PLEKHG1: variants seen among roughly 807,000 people sequenced by gnomAD.
PLEKHG1 encodes the protein pleckstrin homology domain-containing family G member 1.
Under a neutral mutation model 100.8 loss-of-function variants are expected in PLEKHG1, and 44 were observed. The ratio of observed to expected loss-of-function variants is 0.44; its 90% confidence interval spans 0.34 to 0.56. The LOEUF is 0.56. PLEKHG1 is among the 20% of genes least tolerant of loss of function. The pLI is 0.01. For missense variants in PLEKHG1, 1,545 were observed against 1,720.9 expected (o/e 0.90, Z 1.81); for synonymous variants, 640 against 662.5 (o/e 0.97, Z 0.52).
chr6:150,642,860 TG>T (rs1388841547), intron 2 of PLEKHG1, among the ~76,000 whole-genome samples: 2 of 152,238 alleles, frequency 1.3e-5, no homozygotes, highest in Non-Finnish European at 2.9e-5. Flanking sequence ...TCTTAGGCAG[TG>T]GTTCAGTATT....
At chr6:150,808,650 G>C (rs986529656) in intron 7 of PLEKHG1, among the ~76,000 whole-genome samples, 4 of 152,180 alleles carry the variant, frequency 2.6e-5, no homozygotes, top group Admixed American at 2.0e-4. Context: ...CTACTCAGGA[G>C]GCTGAGGCAG....
intron 3 of PLEKHG1, among the ~76,000 whole-genome samples, chr6:150,678,741 G>T (rs765985056): frequency 1.3e-5 from 2 of 152,148 alleles, no homozygotes; most frequent in Non-Finnish European, 2.9e-5. Context: ...AATAACAAAG[G>T]CTTTGCTAAA....
intron 3 of PLEKHG1, among the ~76,000 whole-genome samples, chr6:150,713,290 C>T (rs1781303984): frequency 6.6e-6 from 1 of 151,994 alleles, no homozygotes; most frequent in Non-Finnish European, 1.5e-5. Flanking sequence ...AAAAAAAATC[C>T]TGGAAAGTAG....
chr6:150,831,254 G>A lies in PLEKHG1; in HGVS notation c.2143G>A (p.Ala715Thr), dbSNP rs79596384. 9.1e-3 allele frequency: 14,621 copies of A among 1,614,046 alleles called. 464 individuals carry two copies. The East Asian group carries it at 0.13, about 15-fold the overall frequency. The change falls in exon 15 of 16, where the codon GCA (alanine) becomes ACA (threonine). Residue 715 changes from alanine to threonine, a missense_variant. By Grantham distance (58) the Ala-to-Thr change is moderately conservative. Transcript: ENST00000358517. The surrounding 1 kb of genome is among the most constrained non-coding windows in gnomAD (Gnocchi z 4.1). ...TGGCCACAGTAAGGGCTCTCTTTAC[G>A]CACAAACAGATGGCACCCTCTCAGG...
intron 1 of PLEKHG1, among the ~76,000 whole-genome samples, chr6:150,635,051 C>T (rs1284744695): frequency 6.6e-6 from 1 of 152,174 alleles, no homozygotes; most frequent in African/African-American, 2.4e-5. Flanking sequence ...TTCAATAGAG[C>T]TATCACCAGG....
At chr6:150,732,270 C>T (rs945158773) in intron 1 of PLEKHG1, among the ~76,000 whole-genome samples, 4 of 152,046 alleles carry the variant, frequency 2.6e-5, no homozygotes, top group Non-Finnish European at 4.4e-5. Flanking sequence ...TTCCTATATG[C>T]GTCATATAAT....
intron 2 of PLEKHG1, among the ~76,000 whole-genome samples, chr6:150,747,177 C>CT (rs1783208844): frequency 6.6e-6 from 1 of 152,198 alleles, no homozygotes; most frequent in African/African-American, 2.4e-5. Context: ...TTCAATTATA[C>CT]TGAGTGGGTA....
At chr6:150,635,597 A>T (rs368631192) in intron 1 of PLEKHG1, among the ~76,000 whole-genome samples, 1 of 152,188 alleles carries the variant, frequency 6.6e-6, no homozygotes, top group Non-Finnish European at 1.5e-5. Flanking sequence ...CATAAGTTCA[A>T]TTATATTAGT....
At chr6:150,671,567 A>G (rs1047057827) in intron 3 of PLEKHG1, among the ~76,000 whole-genome samples, 7 of 152,236 alleles carry the variant, frequency 4.6e-5, no homozygotes, top group African/African-American at 1.7e-4. Flanking sequence ...CGGGCACTGT[A>G]GTAAGTGCTG....
chr6:150,614,935 T>C (rs747197511), intron 1 of PLEKHG1, among the ~76,000 whole-genome samples: 7 of 152,240 alleles, frequency 4.6e-5, no homozygotes, highest in Non-Finnish European at 7.3e-5. Flanking sequence ...TATGCTATCC[T>C]GTAGGTCTGG....
At chr6:150,610,440 T>G (rs1172323120) in intron 1 of PLEKHG1, among the ~76,000 whole-genome samples, 1 of 152,244 alleles carries the variant, frequency 6.6e-6, no homozygotes, top group Non-Finnish European at 1.5e-5. Flanking sequence ...TGGTAACCAT[T>G]TCGTTGTCCA....
At chr6:150,760,445 G>C (rs924835099) in intron 2 of PLEKHG1, among the ~76,000 whole-genome samples, 3 of 152,152 alleles carry the variant, frequency 2.0e-5, no homozygotes, top group Non-Finnish European at 4.4e-5. Context: ...ATTCTCAAAG[G>C]AGTGGTTAAT....
chr6:150,682,451 C>G (rs1779968357), intron 3 of PLEKHG1, among the ~76,000 whole-genome samples: 1 of 151,952 alleles, frequency 6.6e-6, no homozygotes, highest in Non-Finnish European at 1.5e-5. Context: ...AGCCAGTCCA[C>G]CAGACATGGA....
intron 3 of PLEKHG1, among the ~76,000 whole-genome samples, chr6:150,698,722 G>A (rs375893902): frequency 1.3e-5 from 2 of 152,152 alleles, no homozygotes; most frequent in East Asian, 3.8e-4. Context: ...CAGGTTGTTT[G>A]TATGTCTGGG....
At position 150,840,990 on chromosome 6, in the gene PLEKHG1, C is replaced by G. The variant is rs187463111; in HGVS notation, c.*94C>G. 60 of 978,964 alleles carry G rather than the reference C, an allele frequency of 6.1e-5. No individual in the cohort carries two copies. In the Middle Eastern group the frequency reaches 1.2e-3, roughly 20 times the overall value. 60.6% of individuals were successfully genotyped at this position (978,964 alleles called of 1,614,324 possible). A position where few individuals can be genotyped will look rare whatever the true frequency, so the allele number is the denominator to read the frequency against. On this transcript the variant is annotated 3_prime_UTR_variant, in exon 16 of 16. Coordinates refer to ENST00000358517, the Ensembl canonical transcript of PLEKHG1. Reference sequence around the variant, plus strand: ...GTGTTTTATGTATACCAGATTAAAACAATTTTGTAAGAACCAGAGGTGTAA... The same window carrying G: ...GTGTTTTATGTATACCAGATTAAAAGAATTTTGTAAGAACCAGAGGTGTAA...
intron 3 of PLEKHG1, among the ~76,000 whole-genome samples, chr6:150,709,027 A>G (rs985504501): frequency 6.6e-6 from 1 of 152,182 alleles, no homozygotes; most frequent in African/African-American, 2.4e-5. Flanking sequence ...ATCTTTCACA[A>G]ATTCTGCCAC....
At chr6:150,828,398 A>G in intron 14 of PLEKHG1, 3 of 1,583,146 alleles carry the variant, frequency 1.9e-6, no homozygotes, top group South Asian at 1.1e-5. Flanking sequence ...TACAGCTGCT[A>G]TCCCATGCCG....
At chr6:150,613,774 C>T (rs1386621948) in intron 1 of PLEKHG1, among the ~76,000 whole-genome samples, 1 of 152,192 alleles carries the variant, frequency 6.6e-6, no homozygotes, top group Non-Finnish European at 1.5e-5. Flanking sequence ...GTTACTCCTT[C>T]TTACTGTGCC....
chr6:150,809,997 T>C (rs1787395885), intron 10 of PLEKHG1, among the ~76,000 whole-genome samples: 1 of 151,874 alleles, frequency 6.6e-6, no homozygotes, highest in African/African-American at 2.4e-5. Flanking sequence ...AGGATAAATG[T>C]TCAACTTCAT....
Sources: gnomAD v4.1 joint callset for allele counts (sites outside exome capture counted in the v4.1 genomes callset) on GRCh38, gnomAD v4.1.1 for gene constraint, Gnocchi (gnomAD v3.1) non-coding constraint, MANE v1.5 for transcripts, NCBI Gene and HGNC (gene_info 2026-07-23, HGNC 2026-07-21) for gene names.